KSR2: variants seen among roughly 807,000 people sequenced by gnomAD.
The protein encoded by KSR2 is kinase suppressor of ras 2.
Under a neutral mutation model 107.8 loss-of-function variants are expected in KSR2, and 25 were observed. The observed-to-expected ratio is 0.23, with a 90% CI of 0.17 to 0.32. KSR2 has a LOEUF of 0.32. KSR2 is among the 10% of genes least tolerant of loss of function. The probability of loss-of-function intolerance (pLI) is 1.00; values close to 1 mark genes in which losing one functional copy is unlikely to be tolerated. For missense variants in KSR2, 887 were observed against 1,268.9 expected (o/e 0.70, Z 4.57); for synonymous variants, 480 against 507.0 (o/e 0.95, Z 0.71).
intron 4 of KSR2, among the ~76,000 whole-genome samples, chr12:117,722,074 G>A (rs776682406): frequency 5.3e-5 from 8 of 151,880 alleles, no homozygotes; most frequent in Admixed American, 1.3e-4. Flanking sequence ...TAAGGGTCTC[G>A]CTATGTTGCC....
chr12:117,580,223 C>T (rs1375708338), intron 6 of KSR2, among the ~76,000 whole-genome samples: 1 of 152,174 alleles, frequency 6.6e-6, no homozygotes, highest in Non-Finnish European at 1.5e-5. Flanking sequence ...CCCAAAGCCT[C>T]CAAATCTAAG....
chr12:117,745,785 C>A (rs892532307), intron 4 of KSR2, among the ~76,000 whole-genome samples: 2 of 152,116 alleles, frequency 1.3e-5, no homozygotes, highest in East Asian at 3.9e-4. Flanking sequence ...TATACACCAA[C>A]AATAGACAAG....
chr12:117,778,873 A>C (rs1412651213), intron 3 of KSR2, among the ~76,000 whole-genome samples: 2 of 152,218 alleles, frequency 1.3e-5, no homozygotes, highest in Non-Finnish European at 2.9e-5. Flanking sequence ...GCATTATATT[A>C]GTTTTATAAC....
rs76122013 is a variant in KSR2, at chr12:117,957,322, G to A, written c.180+10754C>T. Among the ~76,000 whole-genome samples, 220 of 152,294 alleles carry A rather than the reference G, an allele frequency of 1.4e-3. 4 individuals carry two copies. The East Asian group carries it at 0.037, about 26-fold the overall frequency. On this transcript the variant is annotated intron_variant, in intron 1 of 19. Transcript: ENST00000339824. ...GAGCAACAACCACGGTTGTGGTCAC[G>A]ACCCATTGGAAGGACATTCCAAGCA...
At chr12:117,543,152 T>C (rs2137295452) in intron 9 of KSR2, among the ~76,000 whole-genome samples, 1 of 152,346 alleles carries the variant, frequency 6.6e-6, no homozygotes, top group Non-Finnish European at 1.5e-5. Flanking sequence ...AGAAGTGTAG[T>C]TTCTGGATAA....
intron 3 of KSR2, among the ~76,000 whole-genome samples, chr12:117,782,406 G>A (rs893745364): frequency 6.6e-6 from 1 of 152,056 alleles, no homozygotes; most frequent in African/African-American, 2.4e-5. Flanking sequence ...TAGGACTATA[G>A]GCGTGCACCA....
chr12:117,950,737 T>TAA (rs1183707257), intron 1 of KSR2, among the ~76,000 whole-genome samples: 8 of 127,770 alleles, frequency 6.3e-5, no homozygotes, highest in African/African-American at 9.3e-5. Context: ...CAAGACTCTG[T>TAA]AAAAAAAAAA....
chr12:117,629,774 A>G (rs1882720662), intron 5 of KSR2, among the ~76,000 whole-genome samples: 1 of 152,216 alleles, frequency 6.6e-6, no homozygotes, highest in African/African-American at 2.4e-5. Context: ...AGTGAAGAAT[A>G]TAAGAACCAA....
chr12:117,689,713 CAAATAAATAT>C (rs1044237560), intron 4 of KSR2, among the ~76,000 whole-genome samples: 1 of 54,018 alleles, frequency 1.9e-5, no homozygotes, highest in African/African-American at 6.0e-5. Context: ...CGTATTTATA[CAAATAAATAT>C]AAATATAAAT....
chr12:117,840,631 A>G (rs1892429572), intron 3 of KSR2, among the ~76,000 whole-genome samples: 1 of 151,342 alleles, frequency 6.6e-6, no homozygotes, highest in South Asian at 2.1e-4. Flanking sequence ...CCTGACCTCC[A>G]GTGATCCATC....
chr12:117,845,099 T>C (rs1475896040), intron 3 of KSR2, among the ~76,000 whole-genome samples: 1 of 152,114 alleles, frequency 6.6e-6, no homozygotes, highest in African/African-American at 2.4e-5. Context: ...TGAGCCAAGA[T>C]AGCACCACTG....
intron 3 of KSR2, among the ~76,000 whole-genome samples, chr12:117,792,755 A>G (rs1229879386): frequency 6.6e-6 from 1 of 152,216 alleles, no homozygotes; most frequent in African/African-American, 2.4e-5. Context: ...TGATGCACCC[A>G]ATCATAAAAA....
At chr12:117,790,825 T>G (rs1890226933) in intron 3 of KSR2, among the ~76,000 whole-genome samples, 1 of 152,112 alleles carries the variant, frequency 6.6e-6, no homozygotes, top group Non-Finnish European at 1.5e-5. Flanking sequence ...TGCACATTCC[T>G]GGAATCCATC....
intron 3 of KSR2, among the ~76,000 whole-genome samples, chr12:117,791,035 C>T (rs879896188): frequency 2.0e-5 from 3 of 152,200 alleles, no homozygotes; most frequent in Non-Finnish European, 4.4e-5. Context: ...TCCCTATTCC[C>T]TTAGAATCCA....
intron 3 of KSR2, among the ~76,000 whole-genome samples, chr12:117,765,359 A>G (rs1889188516): frequency 6.6e-6 from 1 of 152,172 alleles, no homozygotes; most frequent in African/African-American, 2.4e-5. Context: ...TGGAAAGAAT[A>G]TGGGATTGGG....
chr12:117,749,262 C>A (rs1419907295), intron 4 of KSR2, among the ~76,000 whole-genome samples: 2 of 151,228 alleles, frequency 1.3e-5, no homozygotes, highest in East Asian at 2.0e-4. Context: ...TATAAGGGGA[C>A]CTTACCAGCT....
intron 5 of KSR2, among the ~76,000 whole-genome samples, chr12:117,636,649 A>C (rs528594852): frequency 6.6e-6 from 1 of 152,360 alleles, no homozygotes; most frequent in Non-Finnish European, 1.5e-5. Flanking sequence ...CCATATTCTG[A>C]AATCAATTCC....
At chr12:117,625,517 A>G (rs879068702) in intron 5 of KSR2, among the ~76,000 whole-genome samples, 1 of 152,080 alleles carries the variant, frequency 6.6e-6, no homozygotes, top group Non-Finnish European at 1.5e-5. Flanking sequence ...ATTGATTTGC[A>G]TATGTTGAAC....
intron 5 of KSR2, among the ~76,000 whole-genome samples, chr12:117,588,965 C>A (rs1424386692): frequency 6.6e-6 from 1 of 152,176 alleles, no homozygotes; most frequent in Non-Finnish European, 1.5e-5. Context: ...TTCATTTAAT[C>A]CACACAATCT....
Sources: gnomAD v4.1 joint callset for allele counts (sites outside exome capture counted in the v4.1 genomes callset) on GRCh38, gnomAD v4.1.1 for gene constraint, MANE v1.5 for transcripts, NCBI Gene and HGNC (gene_info 2026-07-23, HGNC 2026-07-21) for gene names.